Variants in ROCK1 observed in about 807,000 individuals in gnomAD.
ROCK1 encodes Rho associated coiled-coil containing protein kinase 1.
In ROCK1, 36 loss-of-function variants were observed where a neutral mutation model predicts 196.8. That is an observed-to-expected ratio of 0.18 (90% CI 0.14 to 0.24). ROCK1 has a LOEUF of 0.24. ROCK1 is among the 10% of genes least tolerant of loss of function. ROCK1 has a pLI of 1.00. For missense variants in ROCK1, 920 were observed against 1,562.0 expected, an observed-to-expected ratio of 0.59 and a Z score of 6.93; for synonymous variants, 443 against 515.9, an observed-to-expected ratio of 0.86 and a Z score of 1.91.
intron 2 of ROCK1, among the ~76,000 whole-genome samples, chr18:21,066,596 T>G (rs1374380155): frequency 6.6e-6 from 1 of 152,224 alleles, no homozygotes. Flanking sequence ...CTTCATACCC[T>G]TTTCTAACTC....
At position 21,017,998 on chromosome 18, in the gene ROCK1, T is replaced by A. The variant is rs865855673; in HGVS notation, c.1361+2153A>T. 5.3e-5 allele frequency among the ~76,000 whole-genome samples: 8 copies of A among 151,076 alleles called. No individual in the cohort carries two copies. The South Asian group carries it at 1.7e-3, about 32-fold the overall frequency. ...AAAAAAAATAAAAACAAAAAAAAAA[T>A]AAATAAAATAAAGAAATGCAAGTAA... On this transcript the variant is annotated intron_variant, in intron 12 of 32. Coordinates refer to ENST00000399799, the MANE Select transcript of ROCK1 (RefSeq NM_005406.3).
intron 11 of ROCK1, among the ~76,000 whole-genome samples, chr18:21,022,141 A>G (rs771514513): frequency 6.6e-6 from 1 of 152,070 alleles, no homozygotes; most frequent in Non-Finnish European, 1.5e-5. Context: ...TAGGCTTGCA[A>G]TGTCTCTGTG....
At chr18:21,037,299 C>T (rs925786699) in intron 9 of ROCK1, among the ~76,000 whole-genome samples, 62 of 152,042 alleles carry the variant, frequency 4.1e-4, no homozygotes, top group African/African-American at 1.5e-3. Context: ...TACCAAGGAA[C>T]ACAAGGTGAA....
rs1330609179 is a variant in ROCK1, at chr18:21,111,028, A to C, written c.-118T>G. ...GCGGAGGAGCCGGAACCTCAGGGTCACCAGGTGCGCCCGGTTCCCCCGTCT... is the reference window on the plus strand; with the variant it reads ...GCGGAGGAGCCGGAACCTCAGGGTCCCCAGGTGCGCCCGGTTCCCCCGTCT... On this transcript the variant is annotated 5_prime_UTR_variant, in exon 1 of 33. Coordinates refer to ENST00000399799, the MANE Select transcript of ROCK1 (RefSeq NM_005406.3). This position sits in a 1 kb window ranked among gnomAD's most constrained non-coding sequence, Gnocchi z 4.2. 3.9e-5 allele frequency: 30 copies of C among 761,750 alleles called. No homozygotes were observed. In the East Asian group the frequency reaches 5.4e-4, roughly 14 times the overall value. 47.2% of individuals were successfully genotyped at this position (761,750 alleles called of 1,614,324 possible). A position where few individuals can be genotyped will look rare whatever the true frequency, so the allele number is the denominator to read the frequency against.
intron 22 of ROCK1, 108 bp downstream of exon 22, chr18:20,979,802 G>C: frequency 7.7e-7 from 1 of 1,294,928 alleles, no homozygotes; most frequent in South Asian, 1.5e-5. Context: ...CCAATAAACT[G>C]TGTTCTATAC....
rs553917080 is a variant in ROCK1 at position 21,070,533 on chromosome 18, T to C, written c.174A>G (p.Arg58=). The C allele has an allele frequency of 3.3e-5, 51 of 1,562,512 alleles. No homozygotes were observed. The South Asian group carries it at 5.6e-4, about 17-fold the overall frequency. Residue 58 remains arginine (R), a splice_region_variant and synonymous_variant, in exon 2 of 33, where the codon AGA becomes AGG. Transcript: ENST00000399799. ...KNKNIDNFLS[R]YKDTINKIRD... is the part of the protein sequence containing the mutation. ...TAACCTCCACAAAAAATTACTTACA[T>C]CTGCTTAAAAAGTTGTCAATATTTT... is the stretch of plus-strand genomic sequence containing the variant.
chr18:21,008,533 A>G (rs930844013), intron 13 of ROCK1, among the ~76,000 whole-genome samples: 2 of 152,226 alleles, frequency 1.3e-5, no homozygotes, highest in Admixed American at 6.5e-5. Flanking sequence ...TCAGCCTCCC[A>G]AAGTACTGGG....
chr18:20,969,141 G>A lies in ROCK1; in HGVS notation c.2888C>T (p.Thr963Ile), dbSNP rs1336134078. The A allele has an allele frequency of 2.1e-5, 33 of 1,599,670 alleles. No individual in the cohort carries two copies. Among genetic ancestry groups the A allele is most frequent in the Non-Finnish European group, 2.5e-5 (29 of 1,174,494 alleles). ...TTCCTCTGCCTTCTTCATTTTCTCT[G>A]TTAGCTCTTCATTCTCTCTTCTTAA... is the stretch of plus-strand genomic sequence containing the variant. ...EILRRENEEL[T>I]EKMKKAEEEY... Residue 963 changes from threonine to isoleucine, a missense_variant, in exon 24 of 33, where the codon ACA becomes ATA. Around this residue, in one of 6 missense-constraint regions of ROCK1, gnomAD observed 520 missense variants for 657.1 expected, o/e 0.79. Coordinates refer to ENST00000399799, the MANE Select transcript of ROCK1 (RefSeq NM_005406.3).
rs774873448 is a variant in ROCK1 at position 20,984,394 on chromosome 18, C to T, written c.2446G>A (p.Glu816Lys). 1.2e-6 allele frequency: 2 copies of T among 1,610,614 alleles called. No individual in the cohort carries two copies. The highest frequency in any genetic ancestry group is 1.7e-6 in the Non-Finnish European group (2 of 1,178,610). The change falls in exon 20 of 33, where the codon GAA becomes AAA. Residue 816 changes from glutamate to lysine, a missense_variant. Physicochemically the swap from Glu to Lys is moderately conservative, Grantham distance 56. This residue lies in a region of ROCK1 where 520 missense variants were observed against 657.1 expected (regional missense o/e 0.79). Coordinates refer to ENST00000399799, the MANE Select transcript of ROCK1 (RefSeq NM_005406.3). Reference sequence around the variant, plus strand: ...TCAAATTCTAATAATCTCTTTGCTTCCAATAAAGTATTTATTTCCTGTTTC... The same window carrying T: ...TCAAATTCTAATAATCTCTTTGCTTTCAATAAAGTATTTATTTCCTGTTTC... ...QMKQEINTLLEAKRLLEFELA... is the reference protein window; with the variant it reads ...QMKQEINTLLKAKRLLEFELA...
chr18:21,019,880 A>G (rs1328922826), intron 12 of ROCK1, among the ~76,000 whole-genome samples: 1 of 151,588 alleles, frequency 6.6e-6, no homozygotes, highest in Non-Finnish European at 1.5e-5. Flanking sequence ...AGTACACAAT[A>G]TATTATTTTC....
intron 9 of ROCK1, among the ~76,000 whole-genome samples, chr18:21,029,824 A>G (rs891734457): frequency 6.6e-6 from 1 of 152,146 alleles, no homozygotes; most frequent in Non-Finnish European, 1.5e-5. Context: ...AAATTTTAAG[A>G]AAATTTATTT....
intron 9 of ROCK1, among the ~76,000 whole-genome samples, chr18:21,034,244 A>C (rs1329952179): frequency 2.0e-5 from 3 of 152,182 alleles, no homozygotes; most frequent in Non-Finnish European, 4.4e-5. Flanking sequence ...TTAAAGATTC[A>C]ATGCAATCTC....
At chr18:21,048,698 T>C (rs2143516201) in intron 4 of ROCK1, among the ~76,000 whole-genome samples, 1 of 152,122 alleles carries the variant, frequency 6.6e-6, no homozygotes, top group South Asian at 2.1e-4. Flanking sequence ...CACAGGCGTG[T>C]ACCACCATGC....
intron 18 of ROCK1, among the ~76,000 whole-genome samples, chr18:20,990,325 C>G (rs775828830): frequency 1.9e-4 from 29 of 151,604 alleles, no homozygotes; most frequent in Non-Finnish European, 3.5e-4. Flanking sequence ...GAAAGGGCTA[C>G]TAAAAAACAG....
intron 9 of ROCK1, among the ~76,000 whole-genome samples, chr18:21,036,914 A>G (rs2036062269): frequency 6.6e-6 from 1 of 152,154 alleles, no homozygotes; most frequent in Non-Finnish European, 1.5e-5. Flanking sequence ...TATGTAATAA[A>G]TGTTATTTTT....
chr18:21,036,740 C>A (rs1313219541), intron 9 of ROCK1, among the ~76,000 whole-genome samples: 1 of 152,102 alleles, frequency 6.6e-6, no homozygotes, highest in South Asian at 2.1e-4. Flanking sequence ...CTGTATAATA[C>A]TGTAGAACAC....
intron 27 of ROCK1, among the ~76,000 whole-genome samples, chr18:20,965,439 A>G (rs1198727251): frequency 1.3e-5 from 2 of 151,910 alleles, no homozygotes; most frequent in African/African-American, 2.4e-5. Context: ...ATACATACAT[A>G]CATATATACA....
At chr18:20,951,533 G>GA (rs1458927327) in intron 32 of ROCK1, 146 bp from the exon 33 acceptor site, 3 of 516,210 alleles carry the variant, frequency 5.8e-6, no homozygotes, top group Non-Finnish European at 1.0e-5. Context: ...CAAGGAATAG[G>GA]AAAAATATAC....
At chr18:20,982,964 A>G in intron 20 of ROCK1, 132 bp from the exon 21 acceptor site, 1 of 527,108 alleles carries the variant, frequency 1.9e-6, no homozygotes, top group Non-Finnish European at 3.4e-6. Flanking sequence ...AACATACTTC[A>G]TTATTCATTA....
Sources: gnomAD v4.1 joint callset for allele counts (sites outside exome capture counted in the v4.1 genomes callset) on GRCh38, gnomAD v4.1.1 for gene constraint, gnomAD v4.1.1 regional missense constraint, Gnocchi (gnomAD v3.1) non-coding constraint, MANE v1.5 for transcripts, NCBI Gene and HGNC (gene_info 2026-07-23, HGNC 2026-07-21) for gene names.